Variants in AKAP19 observed in about 807,000 individuals in gnomAD.
AKAP19 encodes A-kinase anchoring protein 19.
At chr2:189,938,656 A>C in the AKAP19 span, among the ~76,000 whole-genome samples, 1 of 152,174 alleles carries the variant, frequency 6.6e-6, no homozygotes, top group African/African-American at 2.4e-5. Flanking sequence ...TTGCTAGCAA[A>C]ATGGTGACTA....
At chr2:189,998,070 C>T in the AKAP19 span, among the ~76,000 whole-genome samples, 1 of 152,180 alleles carries the variant, frequency 6.6e-6, no homozygotes, top group Non-Finnish European at 1.5e-5. Flanking sequence ...CTGGATTTTT[C>T]CAGTTCCCCA....
At chr2:190,030,418 T>A in the AKAP19 span, among the ~76,000 whole-genome samples, 2 of 152,352 alleles carry the variant, frequency 1.3e-5, no homozygotes, top group South Asian at 4.1e-4. Flanking sequence ...TTTCTCCTCC[T>A]ATCCCATTAG....
the AKAP19 span, chr2:190,200,254 ATG>A: frequency 2.2e-6 from 2 of 900,252 alleles, no homozygotes; most frequent in Non-Finnish European, 3.5e-6. Context: ...GGATTTAAAA[ATG>A]TGTCTACGAT....
At chr2:190,054,559 T>C in the AKAP19 span, among the ~76,000 whole-genome samples, 1 of 152,104 alleles carries the variant, frequency 6.6e-6, no homozygotes, top group African/African-American at 2.4e-5. Context: ...ACCTACAGAA[T>C]GGGAGAAAAT....
chr2:190,012,453 T>C, the AKAP19 span, among the ~76,000 whole-genome samples: 13 of 152,240 alleles, frequency 8.5e-5, no homozygotes, highest in Admixed American at 5.2e-4. Context: ...ATGCTACTGA[T>C]TTTTATGTGT....
chr2:190,176,587 A>G, the AKAP19 span, among the ~76,000 whole-genome samples: 1 of 152,294 alleles, frequency 6.6e-6, no homozygotes, highest in Admixed American at 6.5e-5. The surrounding 1 kb of genome is among the most constrained non-coding windows in gnomAD (Gnocchi z 4.7). Flanking sequence ...TGACCTCGTG[A>G]TCTGCCTGCC....
the AKAP19 span, chr2:190,180,990 C>G: frequency 1.0e-6 from 1 of 985,554 alleles, no homozygotes; most frequent in Non-Finnish European, 1.2e-6. This position sits in a 1 kb window ranked among gnomAD's most constrained non-coding sequence, Gnocchi z 6.8. Flanking sequence ...GCCCCCCTCC[C>G]ACGACAGGGC....
the AKAP19 span, among the ~76,000 whole-genome samples, chr2:190,030,707 G>T: frequency 9.9e-5 from 15 of 152,254 alleles, no homozygotes; most frequent in African/African-American, 3.6e-4. Context: ...TTAACATCTG[G>T]ATCATCACAA....
the AKAP19 span, among the ~76,000 whole-genome samples, chr2:190,063,234 G>A: frequency 6.6e-6 from 1 of 152,004 alleles, no homozygotes; most frequent in Non-Finnish European, 1.5e-5. Context: ...TTAAGATTAT[G>A]ATACTAGTTG....
chr2:190,150,817 G>A, the AKAP19 span, among the ~76,000 whole-genome samples: 1 of 143,198 alleles, frequency 7.0e-6, no homozygotes, highest in African/African-American at 2.6e-5. Context: ...AGCAATATTT[G>A]AAAGCGTTTG....
At chr2:190,156,171 A>T in the AKAP19 span, among the ~76,000 whole-genome samples, 34,991 of 151,986 alleles carry the variant, frequency 0.23, 4,230 homozygotes, top group Admixed American at 0.33. Flanking sequence ...GACCCAGTAC[A>T]TGTGGATATT....
chr2:190,090,753 A>G, the AKAP19 span: 2 of 152,264 alleles, frequency 1.3e-5, no homozygotes, highest in Non-Finnish European at 2.9e-5. Flanking sequence ...AAAGTGTGTG[A>G]GCTGAACAGG....
At chr2:189,927,527 A>C in the AKAP19 span, among the ~76,000 whole-genome samples, 1 of 152,218 alleles carries the variant, frequency 6.6e-6, no homozygotes, top group Non-Finnish European at 1.5e-5. Flanking sequence ...AATAGTATGA[A>C]GAATTCTGTA....
the AKAP19 span, among the ~76,000 whole-genome samples, chr2:190,105,499 T>G: frequency 6.6e-6 from 1 of 152,338 alleles, no homozygotes; most frequent in South Asian, 2.1e-4. Flanking sequence ...TCTTTTAGCC[T>G]TATTTCTTAC....
chr2:189,952,619 A>G, the AKAP19 span, among the ~76,000 whole-genome samples: 3 of 152,218 alleles, frequency 2.0e-5, no homozygotes, highest in South Asian at 6.2e-4. Context: ...GAGTAAAAAG[A>G]TCAACGTTTC....
chr2:190,057,148 CTG>C, the AKAP19 span: 1 of 1,159,814 alleles, frequency 8.6e-7, no homozygotes, highest in East Asian at 2.4e-5. Flanking sequence ...GCTTAAGTGA[CTG>C]TAGCATACTC....
the AKAP19 span, among the ~76,000 whole-genome samples, chr2:190,008,044 A>G: frequency 4.8e-4 from 73 of 152,304 alleles, no homozygotes; most frequent in African/African-American, 1.6e-3. Flanking sequence ...CTCATTACCT[A>G]TTCCCTGGGC....
At chr2:190,075,771 GT>G in the AKAP19 span, among the ~76,000 whole-genome samples, 1 of 151,780 alleles carries the variant, frequency 6.6e-6, no homozygotes, top group South Asian at 2.1e-4. Context: ...GTTGGGTCTT[GT>G]TTTTTTATTC....
the AKAP19 span, among the ~76,000 whole-genome samples, chr2:190,152,900 T>C: frequency 5.1e-5 from 2 of 39,106 alleles, no homozygotes; most frequent in Admixed American, 5.3e-4. Context: ...CCATTCTTTC[T>C]TTTTTTTTTT....
Sources: gnomAD v4.1 joint callset for allele counts (sites outside exome capture counted in the v4.1 genomes callset) on GRCh38, gnomAD v4.1.1 for gene constraint, Gnocchi (gnomAD v3.1) non-coding constraint, MANE v1.5 for transcripts, NCBI Gene and HGNC (gene_info 2026-07-23, HGNC 2026-07-21) for gene names.